RBFOX1: variants seen among roughly 807,000 people sequenced by gnomAD.
The protein encoded by RBFOX1 is RNA binding protein fox-1 homolog 1.
In RBFOX1, 8 loss-of-function variants were observed where a neutral mutation model predicts 57.7. That is an observed-to-expected ratio of 0.14 (90% confidence interval 0.08 to 0.25). RBFOX1 has a LOEUF of 0.25. RBFOX1 is among the 10% of genes least tolerant of loss of function. The probability of loss-of-function intolerance (pLI) is 1.00; values close to 1 mark genes in which losing one functional copy is unlikely to be tolerated. For missense variants in RBFOX1, 611 were observed against 548.5 expected (o/e 1.11, Z -1.14); for synonymous variants, 326 against 222.4 (o/e 1.47, Z -4.15).
At chr16:5,637,261 C>T (rs1295107947) in intron 3 of RBFOX1, among the ~76,000 whole-genome samples, 4 of 152,280 alleles carry the variant, frequency 2.6e-5, no homozygotes, top group East Asian at 1.9e-4. Context: ...TTTGGGCCAT[C>T]GTACAAGGTG....
chr16:7,365,656 A>G (rs1261801727), intron 4 of RBFOX1, among the ~76,000 whole-genome samples: 2 of 152,232 alleles, frequency 1.3e-5, no homozygotes, highest in Non-Finnish European at 2.9e-5. Flanking sequence ...GCAAACATTA[A>G]GATGGCAGGG....
chr16:7,263,311 C>T (rs1331544864), intron 4 of RBFOX1, among the ~76,000 whole-genome samples: 1 of 152,014 alleles, frequency 6.6e-6, no homozygotes, highest in African/African-American at 2.4e-5. Flanking sequence ...CCTGTTTGGC[C>T]CTTCAGGTAG....
At chr16:6,981,584 T>G (rs1254711137) in intron 3 of RBFOX1, among the ~76,000 whole-genome samples, 1 of 152,122 alleles carries the variant, frequency 6.6e-6, no homozygotes, top group Non-Finnish European at 1.5e-5. Context: ...TCCACGTGGC[T>G]GGGGAGGCCT....
intron 3 of RBFOX1, among the ~76,000 whole-genome samples, chr16:6,953,481 G>C (rs1241255165): frequency 2.6e-5 from 4 of 152,066 alleles, no homozygotes; most frequent in African/African-American, 9.7e-5. Flanking sequence ...CACCTCCTGG[G>C]TTCAAGCGAT....
chr16:5,964,393 G>T (rs935778168), intron 4 of RBFOX1, among the ~76,000 whole-genome samples: 1 of 152,076 alleles, frequency 6.6e-6, no homozygotes, highest in Non-Finnish European at 1.5e-5. Context: ...TCCCACTTCT[G>T]GGTATAAATC....
chr16:6,163,060 TAA>T (rs1397909500), intron 1 of RBFOX1, among the ~76,000 whole-genome samples: 1 of 152,122 alleles, frequency 6.6e-6, no homozygotes, highest in Non-Finnish European at 1.5e-5. Context: ...GCAACAGCAA[TAA>T]CTCCAGACAA....
chr16:6,230,666 GC>G (rs536673520), intron 1 of RBFOX1, among the ~76,000 whole-genome samples: 15 of 152,240 alleles, frequency 9.9e-5, no homozygotes, highest in Admixed American at 9.8e-4. Context: ...ATTTCTTCAC[GC>G]ATAACAATTC....
chr16:7,133,956 T>A lies in RBFOX1; in HGVS notation c.27+81858T>A, dbSNP rs147137704. On this transcript the variant is annotated intron_variant, in intron 4 of 15. Coordinates refer to ENST00000550418, the MANE Select transcript of RBFOX1 (RefSeq NM_018723.4). ...GCTACTTAATATGTCAGGGTATTTG[T>A]CAGGTTGATAACATTAGGCTCTGCG... Among the ~76,000 whole-genome samples, 635 of 152,304 alleles carry A rather than the reference T, an allele frequency of 4.2e-3. 6 individuals carry two copies. Among genetic ancestry groups the A allele is most frequent in the African/African-American group, 0.015 (607 of 41,564 alleles).
In RBFOX1 at chr16:6,177,603, G is replaced by T. The variant is rs963416490; in HGVS notation, c.-126-139392G>T. Reference sequence around the variant, plus strand: ...ATCTTCTATGAAAAACGGAAAACAAGACCTTTTCCCCTCACTGTCATCCCA... The same window carrying T: ...ATCTTCTATGAAAAACGGAAAACAATACCTTTTCCCCTCACTGTCATCCCA... On this transcript the variant is annotated intron_variant, in intron 1 of 15. Transcript: ENST00000550418. 2.6e-5 allele frequency among the ~76,000 whole-genome samples: 4 copies of T among 152,200 alleles called. No homozygotes were observed. The East Asian group carries it at 7.7e-4, about 29-fold the overall frequency.
At chr16:6,318,975 C>G (rs577826318) in intron 2 of RBFOX1, among the ~76,000 whole-genome samples, 290 of 151,926 alleles carry the variant, frequency 1.9e-3, no homozygotes, top group Middle Eastern at 0.014. Flanking sequence ...ACCAAGCAGT[C>G]ACTTCCTCTG....
At chr16:7,227,925 C>A (rs756899905) in intron 4 of RBFOX1, among the ~76,000 whole-genome samples, 4 of 152,168 alleles carry the variant, frequency 2.6e-5, no homozygotes, top group Non-Finnish European at 5.9e-5. Flanking sequence ...AGGATTTTTC[C>A]ACAGCCAGAC....
intron 3 of RBFOX1, among the ~76,000 whole-genome samples, chr16:5,717,857 C>T (rs1031967661): frequency 6.6e-6 from 1 of 152,166 alleles, no homozygotes; most frequent in African/African-American, 2.4e-5. Context: ...TATTTTTGAC[C>T]ATCTGTTTAC....
chr16:6,308,914 A>T (rs935978030), intron 1 of RBFOX1, among the ~76,000 whole-genome samples: 2 of 152,082 alleles, frequency 1.3e-5, no homozygotes, highest in African/African-American at 2.4e-5. Context: ...TAAACTCTAC[A>T]GCACATTTTA....
chr16:7,080,061 A>G (rs932251975), intron 4 of RBFOX1, among the ~76,000 whole-genome samples: 12 of 139,018 alleles, frequency 8.6e-5, no homozygotes, highest in African/African-American at 3.1e-4. Flanking sequence ...TATACATATT[A>G]TATATATACA....
intron 3 of RBFOX1, among the ~76,000 whole-genome samples, chr16:6,870,865 C>G (rs1010698943): frequency 3.3e-5 from 5 of 152,056 alleles, no homozygotes; most frequent in African/African-American, 1.2e-4. Flanking sequence ...TAATAAAAGG[C>G]CCTAACTTTG....
intron 2 of RBFOX1, among the ~76,000 whole-genome samples, chr16:5,507,955 T>G (rs78577945): frequency 0.019 from 2,835 of 152,178 alleles, 54 homozygotes; most frequent in Middle Eastern, 0.051. Context: ...CCATCTGGTT[T>G]GGGGTGATTT....
At chr16:6,808,593 G>T (rs1034529834) in intron 3 of RBFOX1, among the ~76,000 whole-genome samples, 2 of 151,938 alleles carry the variant, frequency 1.3e-5, no homozygotes, top group Non-Finnish European at 2.9e-5. Context: ...ATCATCTCAG[G>T]GTGTTGGTAG....
At chr16:7,679,909 G>A (rs1026824924) in intron 14 of RBFOX1, among the ~76,000 whole-genome samples, 1 of 152,096 alleles carries the variant, frequency 6.6e-6, no homozygotes, top group African/African-American at 2.4e-5. Flanking sequence ...GGGAATAGGT[G>A]AACATCTTTT....
chr16:6,561,081 T>C (rs1361071897), intron 2 of RBFOX1, among the ~76,000 whole-genome samples: 1 of 152,192 alleles, frequency 6.6e-6, no homozygotes, highest in Non-Finnish European at 1.5e-5. Context: ...CAGCTGTTTT[T>C]CATTAGTGCT....
Sources: allele counts gnomAD v4.1 joint callset (sites outside exome capture counted in the v4.1 genomes callset), GRCh38; gene constraint gnomAD v4.1.1; transcripts MANE v1.5; gene names NCBI Gene and HGNC (gene_info 2026-07-23, HGNC 2026-07-21).